The following SNCAIP variants were observed in gnomAD, a reference collection of about 807,000 sequenced individuals.
SNCAIP encodes the protein synuclein alpha interacting protein.
SNCAIP carries 43 observed loss-of-function variants against 86.7 expected under a neutral mutation model. The observed-to-expected ratio is 0.50, with a 90% CI of 0.39 to 0.64. SNCAIP has a LOEUF of 0.64. SNCAIP is among the 30% of genes least tolerant of loss of function. The pLI, the probability that SNCAIP is intolerant of heterozygous loss-of-function variation, is 0.00. For synonymous variants in SNCAIP, 417 were observed against 427.2 expected, an observed-to-expected ratio of 0.98 and a Z score of 0.29; for missense variants, 981 against 1,103.1, an observed-to-expected ratio of 0.89 and a Z score of 1.57.
intron 1 of SNCAIP, among the ~76,000 whole-genome samples, chr5:122,334,021 GAAGA>G: frequency 6.6e-6 from 1 of 152,310 alleles, no homozygotes; most frequent in Middle Eastern, 3.4e-3. Context: ...GTTTTGTGAA[GAAGA>G]GAGAGGTGAA....
At chr5:122,333,943 A>T (rs180671290) in intron 1 of SNCAIP, among the ~76,000 whole-genome samples, 76 of 152,334 alleles carry the variant, frequency 5.0e-4, no homozygotes, top group African/African-American at 1.4e-3. Context: ...GGGAAATGGA[A>T]TGTATACTGT....
Position 122,359,089 on chromosome 5 carries a change from A to ATC in SNCAIP, c.-46-31999_-46-31998insCT, listed in dbSNP as rs1469735845. On this transcript the variant is annotated intron_variant, in intron 1 of 10. Transcript: ENST00000261368. ...TTCAAAGAACAATTCTTCATATACA[A>ATC]TTGTTTACATAAGAAATTTCATAAA... Among the ~76,000 whole-genome samples, 3 of 152,230 alleles carry ATC rather than the reference A, an allele frequency of 2.0e-5. No individual in the cohort carries two copies. The East Asian group carries it at 5.8e-4, about 29-fold the overall frequency.
chr5:122,396,685 T>G (rs1770691081), intron 2 of SNCAIP, among the ~76,000 whole-genome samples: 1 of 152,206 alleles, frequency 6.6e-6, no homozygotes, highest in South Asian at 2.1e-4. Flanking sequence ...TATGCTATAT[T>G]AATAACTAAG....
At chr5:122,330,014 T>C (rs1754928228) in intron 1 of SNCAIP, among the ~76,000 whole-genome samples, 1 of 152,076 alleles carries the variant, frequency 6.6e-6, no homozygotes, top group African/African-American at 2.4e-5. Context: ...CTTCTTTGTT[T>C]TAAGGATTAA....
chr5:122,456,530 A>G (rs1009350861), intron 10 of SNCAIP, among the ~76,000 whole-genome samples: 2 of 152,130 alleles, frequency 1.3e-5, no homozygotes, highest in Non-Finnish European at 2.9e-5. Flanking sequence ...AGACATTGGG[A>G]AGTAAAGGTG....
intron 2 of SNCAIP, among the ~76,000 whole-genome samples, chr5:122,395,805 A>G (rs1770483929): frequency 1.3e-5 from 2 of 152,172 alleles, no homozygotes; most frequent in African/African-American, 4.8e-5. Flanking sequence ...TACAGCTTAG[A>G]TGTGAAAAAG....
At chr5:122,442,294 A>G (rs1187712920) in intron 7 of SNCAIP, among the ~76,000 whole-genome samples, 1 of 152,038 alleles carries the variant, frequency 6.6e-6, no homozygotes, top group Non-Finnish European at 1.5e-5. Context: ...AGACTTGGGA[A>G]ATGACAGGAG....
At chr5:122,365,291 C>A (rs547394665) in intron 1 of SNCAIP, among the ~76,000 whole-genome samples, 1 of 152,258 alleles carries the variant, frequency 6.6e-6, no homozygotes, top group South Asian at 2.1e-4. Context: ...AATAATTAGG[C>A]CATGATTTGT....
At chr5:122,314,799 A>G (rs1327359000) in intron 1 of SNCAIP, among the ~76,000 whole-genome samples, 1 of 152,224 alleles carries the variant, frequency 6.6e-6, no homozygotes, top group Non-Finnish European at 1.5e-5. Flanking sequence ...TTTTTAATTG[A>G]TAAGACTGAT....
At chr5:122,399,412 G>C (rs2152861605) in intron 2 of SNCAIP, among the ~76,000 whole-genome samples, 1 of 152,228 alleles carries the variant, frequency 6.6e-6, no homozygotes, top group African/African-American at 2.4e-5. Context: ...AGATCTTATG[G>C]CTCCAAATCC....
chr5:122,462,171 C>T (rs1265597925), intron 10 of SNCAIP, among the ~76,000 whole-genome samples: 2 of 152,142 alleles, frequency 1.3e-5, no homozygotes, highest in Non-Finnish European at 2.9e-5. Flanking sequence ...CTATCATCTT[C>T]AGAAGTACAC....
At chr5:122,316,051 A>G (rs1167366207) in intron 1 of SNCAIP, among the ~76,000 whole-genome samples, 3 of 152,270 alleles carry the variant, frequency 2.0e-5, no homozygotes, top group Non-Finnish European at 2.9e-5. Context: ...ATTCAGTTCC[A>G]GAAATGTTGA....
chr5:122,338,452 C>A (rs1756935157), intron 1 of SNCAIP, among the ~76,000 whole-genome samples: 1 of 152,184 alleles, frequency 6.6e-6, no homozygotes, highest in Non-Finnish European at 1.5e-5. Flanking sequence ...TGGATTATCA[C>A]TGTTAGTGCT....
intron 2 of SNCAIP, chr5:122,400,931 A>C: frequency 6.8e-7 from 1 of 1,476,554 alleles, no homozygotes; most frequent in African/African-American, 1.4e-5. Context: ...TAGAGATAGA[A>C]AATGTAATGC....
chr5:122,396,783 G>A (rs1561662786), intron 2 of SNCAIP, among the ~76,000 whole-genome samples: 1 of 152,062 alleles, frequency 6.6e-6, no homozygotes, highest in African/African-American at 2.4e-5. Context: ...CTTGTATTTT[G>A]ACAGTGATTG....
chr5:122,371,704 A>T (rs1490764926), intron 1 of SNCAIP: 1 of 152,140 alleles, frequency 6.6e-6, no homozygotes, highest in Non-Finnish European at 1.5e-5. Context: ...AATCAGTCCT[A>T]CCTGGCTTTG....
rs1761368046 is a variant in SNCAIP at position 122,357,893 on chromosome 5, T to G, written c.-46-33196T>G. On this transcript the variant is annotated intron_variant, in intron 1 of 10. Coordinates refer to ENST00000261368, the MANE Select transcript of SNCAIP (RefSeq NM_005460.4). ...CAGAACATTTCCATAAGCCAGAAAG[T>G]TCTGCTGGACAATGCTGTATTAAAA... Among the ~76,000 whole-genome samples, 3 of 152,018 alleles carry G rather than the reference T, an allele frequency of 2.0e-5. 1 individual carries two copies. Among genetic ancestry groups the G allele is most frequent in the Admixed American group, 2.0e-4 (3 of 15,266 alleles).
At chr5:122,437,716 T>G (rs1435603083) in intron 6 of SNCAIP, among the ~76,000 whole-genome samples, 3 of 152,228 alleles carry the variant, frequency 2.0e-5, no homozygotes, top group Non-Finnish European at 4.4e-5. Flanking sequence ...TATCCATGCC[T>G]TCCTAAGAAG....
chr5:122,463,445 A>G, intron 10 of SNCAIP, 46 bp from the exon 11 acceptor site: 1 of 1,108,600 alleles, frequency 9.0e-7, no homozygotes. Flanking sequence ...TTGTAACTTG[A>G]CCATAGTTTT....
Sources: gnomAD v4.1 joint callset for allele counts (sites outside exome capture counted in the v4.1 genomes callset) on GRCh38, gnomAD v4.1.1 for gene constraint, MANE v1.5 for transcripts, NCBI Gene and HGNC (gene_info 2026-07-23, HGNC 2026-07-21) for gene names.